AFAP1: variants seen among roughly 807,000 people sequenced by gnomAD.
AFAP1 encodes the protein actin filament associated protein 1, also known as actin filament-associated protein 1.
AFAP1 carries 75 observed loss-of-function variants against 93.9 expected under a neutral mutation model. The observed-to-expected ratio is 0.80, with a 90% CI of 0.66 to 0.97. The LOEUF (loss-of-function observed/expected upper bound fraction) is 0.97. AFAP1 is among the 50% of genes least tolerant of loss of function. The pLI, the probability that AFAP1 is intolerant of heterozygous loss-of-function variation, is 0.00. For synonymous variants in AFAP1, 517 were observed against 430.7 expected (o/e 1.20, Z -2.48); for missense variants, 1,201 against 1,050.8 (o/e 1.14, Z -1.98).
At chr4:7,863,227 G>A (rs1468674734) in intron 3 of AFAP1, among the ~76,000 whole-genome samples, 7 of 152,168 alleles carry the variant, frequency 4.6e-5, no homozygotes, top group African/African-American at 1.7e-4. Flanking sequence ...AGCAGCCTGG[G>A]CAACATGGTG....
At chr4:7,809,242 C>T (rs570999550) in intron 9 of AFAP1, among the ~76,000 whole-genome samples, 1 of 150,518 alleles carries the variant, frequency 6.6e-6, no homozygotes, top group Admixed American at 6.6e-5. Flanking sequence ...TATCACTTTG[C>T]CCAAGGGAAA....
intron 1 of AFAP1, among the ~76,000 whole-genome samples, chr4:7,928,648 A>G (rs1407362436): frequency 2.0e-5 from 3 of 152,156 alleles, no homozygotes; most frequent in African/African-American, 7.2e-5. Flanking sequence ...GGCCTCCCAA[A>G]GTGCTGGGAT....
intron 11 of AFAP1, among the ~76,000 whole-genome samples, chr4:7,787,543 C>CT (rs1717417857): frequency 6.6e-6 from 1 of 152,126 alleles, no homozygotes; most frequent in Admixed American, 6.5e-5. Flanking sequence ...ACGCTGCCTC[C>CT]CGGAAGACCA....
intron 13 of AFAP1, 156 bp from the exon 14 acceptor site, chr4:7,779,032 T>A: frequency 1.6e-6 from 1 of 618,410 alleles, no homozygotes; most frequent in East Asian, 2.8e-5. Flanking sequence ...ACCAAGATGG[T>A]TTCCAAACAC....
chr4:7,880,755 G>A (rs1054411055), intron 1 of AFAP1, among the ~76,000 whole-genome samples: 4 of 152,202 alleles, frequency 2.6e-5, no homozygotes, highest in Non-Finnish European at 5.9e-5. Flanking sequence ...AGACTGAGGA[G>A]GCTAAAGCAT....
chr4:7,851,882 T>G (rs900644116), intron 4 of AFAP1, among the ~76,000 whole-genome samples: 5 of 152,116 alleles, frequency 3.3e-5, no homozygotes, highest in African/African-American at 1.2e-4. Flanking sequence ...AAATTTGCCT[T>G]CTAGGTCCAC....
chr4:7,773,066 C>T (rs1715664697), intron 15 of AFAP1, 56 bp from the exon 16 acceptor site: 1 of 1,553,912 alleles, frequency 6.4e-7, no homozygotes, highest in Non-Finnish European at 8.7e-7. Context: ...CTCCAAACAA[C>T]AGAGAAGGCA....
intron 6 of AFAP1, among the ~76,000 whole-genome samples, chr4:7,822,084 T>G (rs1046647301): frequency 2.1e-5 from 3 of 142,986 alleles, no homozygotes; most frequent in African/African-American, 7.3e-5. Context: ...TACCCTAAGG[T>G]GTTTATTAAG....
chr4:7,885,422 G>T (rs937351106), intron 1 of AFAP1, among the ~76,000 whole-genome samples: 1 of 152,114 alleles, frequency 6.6e-6, no homozygotes, highest in South Asian at 2.1e-4. Flanking sequence ...TCTCACTGAG[G>T]TGCTACACTT....
At chr4:7,840,950 T>G (rs1712936336) in intron 5 of AFAP1, among the ~76,000 whole-genome samples, 1 of 152,230 alleles carries the variant, frequency 6.6e-6, no homozygotes, top group Admixed American at 6.5e-5. Context: ...TCAGATCAGA[T>G]AATTAGCAAA....
chr4:7,872,482 A>C (rs1016521728), intron 1 of AFAP1, among the ~76,000 whole-genome samples: 2 of 152,222 alleles, frequency 1.3e-5, no homozygotes, highest in East Asian at 1.9e-4. Context: ...GAAACTCAAC[A>C]CCCAGCTCTC....
chr4:7,802,961 A>G (rs1161900117), intron 9 of AFAP1, among the ~76,000 whole-genome samples: 15 of 152,170 alleles, frequency 9.9e-5, no homozygotes, highest in Admixed American at 9.8e-4. Flanking sequence ...GAAAAAAGAA[A>G]CCTCTACTTA....
chr4:7,863,102 G>C (rs957281810), intron 3 of AFAP1, among the ~76,000 whole-genome samples: 2 of 152,148 alleles, frequency 1.3e-5, no homozygotes, highest in Admixed American at 6.5e-5. Flanking sequence ...TGCACAGGTC[G>C]CCCTTGAAAC....
intron 1 of AFAP1, among the ~76,000 whole-genome samples, chr4:7,933,137 T>C (rs1721184595): frequency 6.7e-6 from 1 of 150,066 alleles, no homozygotes; most frequent in Non-Finnish European, 1.5e-5. Context: ...CTGTAGTAAG[T>C]GGATTGGTAA....
chr4:7,901,508 T>C (rs1211021899), intron 1 of AFAP1, among the ~76,000 whole-genome samples: 1 of 152,222 alleles, frequency 6.6e-6, no homozygotes, highest in Non-Finnish European at 1.5e-5. Context: ...CAGCAGCCCC[T>C]GCAGCAGCCC....
At chr4:7,857,901 G>T (rs529131377) in intron 3 of AFAP1, among the ~76,000 whole-genome samples, 1 of 152,094 alleles carries the variant, frequency 6.6e-6, no homozygotes, top group African/African-American at 2.4e-5. Context: ...AACCCTATTG[G>T]TGGTCATGTA....
rs142870388 is a variant in AFAP1, at chr4:7,890,851, G to A, written c.-2-18771C>T. ...CTCCCACTTTCCCGGTGGGAAGGCAGAGTTTGGCAGTTTTTTGTAAATTTA... is the reference window on the plus strand; with the variant it reads ...CTCCCACTTTCCCGGTGGGAAGGCAAAGTTTGGCAGTTTTTTGTAAATTTA... On this transcript the variant is annotated intron_variant, in intron 1 of 17. Coordinates refer to ENST00000420658, the MANE Select transcript of AFAP1 (RefSeq NM_001134647.2). 7.2e-5 allele frequency among the ~76,000 whole-genome samples: 11 copies of A among 152,310 alleles called. No homozygotes were observed. In the East Asian group the frequency reaches 2.1e-3, roughly 29 times the overall value.
intron 11 of AFAP1, among the ~76,000 whole-genome samples, chr4:7,787,532 G>C (rs140666636): frequency 6.6e-6 from 1 of 152,166 alleles, no homozygotes. Flanking sequence ...TGGGGAGCCT[G>C]ACGCTGCCTC....
At chr4:7,789,658 G>A (rs1717670211) in intron 11 of AFAP1, among the ~76,000 whole-genome samples, 1 of 135,666 alleles carries the variant, frequency 7.4e-6, no homozygotes, top group South Asian at 2.4e-4. Flanking sequence ...CTCTGCACCA[G>A]CCCGCTTTCC....
Sources: gnomAD v4.1 joint callset for allele counts (sites outside exome capture counted in the v4.1 genomes callset) on GRCh38, gnomAD v4.1.1 for gene constraint, MANE v1.5 for transcripts, NCBI Gene and HGNC (gene_info 2026-07-23, HGNC 2026-07-21) for gene names.